Variants in NIPBL observed in about 807,000 individuals in gnomAD.
NIPBL encodes nipped-B-like protein.
Under a neutral mutation model 321.8 loss-of-function variants are expected in NIPBL, and 19 were observed. The observed-to-expected ratio is 0.06, with a 90% confidence interval of 0.04 to 0.09. NIPBL has a LOEUF of 0.09. Among genes scored for constraint, NIPBL ranks in the 10% least tolerant of loss-of-function variants. NIPBL has a pLI of 1.00. For missense variants in NIPBL, 2,210 were observed against 3,327.0 expected (o/e 0.66, Z 8.26); for synonymous variants, 1,106 against 1,114.1 (o/e 0.99, Z 0.14).
chr5:37,066,135 A>C lies in NIPBL; in HGVS notation c.*1243A>C, dbSNP rs578161079. On this transcript the variant is annotated 3_prime_UTR_variant, in exon 47 of 47. Transcript: ENST00000282516. Reference sequence around the variant, plus strand: ...GTCATTTACACATTACTTACTGCAGATATCTTGACTAAATCAGGAGGGAGG... The same window carrying C: ...GTCATTTACACATTACTTACTGCAGCTATCTTGACTAAATCAGGAGGGAGG... 2 of 152,200 alleles carry C rather than the reference A, an allele frequency of 1.3e-5. No individual in the cohort carries two copies. The highest frequency in any genetic ancestry group is 2.4e-5 in the African/African-American group (1 of 41,468). 9.4% of individuals were successfully genotyped at this position (152,200 alleles called of 1,614,324 possible).
chr5:37,010,591 C>T (rs1265278850), intron 21 of NIPBL, among the ~76,000 whole-genome samples: 4 of 152,142 alleles, frequency 2.6e-5, no homozygotes, highest in Non-Finnish European at 5.9e-5. Context: ...CAGGTGGGAG[C>T]CACTGCGCCT....
intron 1 of NIPBL, among the ~76,000 whole-genome samples, chr5:36,898,415 T>C (rs1324783549): frequency 6.6e-6 from 1 of 152,176 alleles, no homozygotes; most frequent in Non-Finnish European, 1.5e-5. Flanking sequence ...TAGATATTTT[T>C]GAGACAATTG....
At chr5:36,975,687 A>G in intron 8 of NIPBL, 89 bp from the exon 9 acceptor site, 2 of 1,219,432 alleles carry the variant, frequency 1.6e-6, no homozygotes, top group Non-Finnish European at 2.4e-6. Context: ...TTCTAGTATT[A>G]CTATATTGTC....
intron 42 of NIPBL, among the ~76,000 whole-genome samples, chr5:37,055,170 A>C (rs1753964765): frequency 6.6e-6 from 1 of 151,994 alleles, no homozygotes; most frequent in African/African-American, 2.4e-5. Context: ...CCAACATGGC[A>C]AAATCCTCTC....
intron 29 of NIPBL, among the ~76,000 whole-genome samples, chr5:37,022,659 A>G (rs1361945986): frequency 1.3e-5 from 2 of 152,210 alleles, no homozygotes; most frequent in Admixed American, 6.5e-5. Flanking sequence ...AGTAGATGAT[A>G]GGAACCACAT....
intron 1 of NIPBL, among the ~76,000 whole-genome samples, chr5:36,917,013 C>T (rs571924912): frequency 6.6e-6 from 1 of 152,098 alleles, no homozygotes; most frequent in Non-Finnish European, 1.5e-5. Flanking sequence ...TGGGTATATA[C>T]CCAGTAATGG....
intron 20 of NIPBL, 30 bp from the exon 21 acceptor site, chr5:37,010,057 C>T: frequency 1.3e-6 from 2 of 1,535,590 alleles, no homozygotes; most frequent in Non-Finnish European, 1.8e-6. Flanking sequence ...TATCTTGATA[C>T]TCCATACAAA....
chr5:37,034,494 AAATG>A (rs1376474239), intron 32 of NIPBL, among the ~76,000 whole-genome samples: 1 of 152,222 alleles, frequency 6.6e-6, no homozygotes, highest in Non-Finnish European at 1.5e-5. Context: ...AAGAGTGGAT[AAATG>A]AATTAAGGTA....
chr5:37,005,590 A>G (rs1407090089), intron 16 of NIPBL, among the ~76,000 whole-genome samples: 3 of 152,206 alleles, frequency 2.0e-5, no homozygotes, highest in Admixed American at 1.3e-4. Flanking sequence ...GGTTTTAGGC[A>G]TTACTGAACA....
chr5:37,048,772 A>G (rs2149737284), intron 39 of NIPBL, 97 bp downstream of exon 39: 2 of 1,072,998 alleles, frequency 1.9e-6, no homozygotes, highest in African/African-American at 1.6e-5. Context: ...TATTTGTTAG[A>G]TGAAGAAATT....
At chr5:37,063,683 G>A (rs1008423622) in intron 45 of NIPBL, 107 bp from the exon 46 acceptor site, 32 of 1,078,084 alleles carry the variant, frequency 3.0e-5, no homozygotes, top group Middle Eastern at 2.8e-4. Context: ...GATGGCTAAC[G>A]TCTGTTTCAC....
intron 10 of NIPBL, chr5:36,995,194 G>A (rs1745999634): frequency 5.9e-6 from 1 of 169,368 alleles, no homozygotes; most frequent in African/African-American, 2.4e-5. Context: ...CACTTGTATT[G>A]AGGGGTAACA....
At chr5:37,006,311 C>G in intron 16 of NIPBL, 46 bp from the exon 17 acceptor site, 1 of 1,019,576 alleles carries the variant, frequency 9.8e-7, no homozygotes, top group Non-Finnish European at 1.6e-6. Context: ...TATTTTAAAC[C>G]TATAAATGTG....
intron 1 of NIPBL, 88 bp from the exon 2 acceptor site, chr5:36,953,530 A>G: frequency 1.5e-6 from 1 of 651,834 alleles, no homozygotes; most frequent in Non-Finnish European, 2.7e-6. Context: ...CCAAAGCAGT[A>G]ACTTTTTTTT....
intron 37 of NIPBL, 28 bp downstream of exon 37, chr5:37,045,625 T>G (rs1403516312): frequency 6.2e-7 from 1 of 1,606,968 alleles, no homozygotes; most frequent in African/African-American, 1.3e-5. Flanking sequence ...TAAAATGCTA[T>G]AAAACATAGA....
intron 32 of NIPBL, among the ~76,000 whole-genome samples, chr5:37,030,536 A>T (rs1180505013): frequency 1.3e-5 from 2 of 152,204 alleles, no homozygotes; most frequent in African/African-American, 4.8e-5. Context: ...TTTTTACATG[A>T]GCACATATGC....
At chr5:36,889,625 C>G (rs894665259) in intron 1 of NIPBL, among the ~76,000 whole-genome samples, 1 of 152,136 alleles carries the variant, frequency 6.6e-6, no homozygotes, top group Middle Eastern at 3.2e-3. Context: ...ATCTGAATCT[C>G]TAATAATTAG....
chr5:37,064,039 C>T, intron 46 of NIPBL, 61 bp downstream of exon 46: 2 of 1,585,410 alleles, frequency 1.3e-6, no homozygotes, highest in Non-Finnish European at 8.6e-7. Context: ...TTTTTATGTG[C>T]TTATATATGT....
chr5:36,882,269 T>C (rs1745562327), intron 1 of NIPBL, among the ~76,000 whole-genome samples: 1 of 151,962 alleles, frequency 6.6e-6, no homozygotes, highest in Non-Finnish European at 1.5e-5. Context: ...TTAGGGATTT[T>C]TTTTGTGTCT....
Sources: allele counts gnomAD v4.1 joint callset (sites outside exome capture counted in the v4.1 genomes callset), GRCh38; gene constraint gnomAD v4.1.1; transcripts MANE v1.5; gene names NCBI Gene and HGNC (gene_info 2026-07-23, HGNC 2026-07-21).